ZNF747: variants seen among roughly 807,000 people sequenced by gnomAD.
ZNF747 encodes zinc finger protein 747.
Under a neutral mutation model 13.4 loss-of-function variants are expected in ZNF747, and 14 were observed. That is an observed-to-expected ratio of 1.04 (90% CI 0.69 to 1.63). ZNF747 has a LOEUF of 1.63. Ranked by LOEUF, ZNF747 falls within the 40% of genes most tolerant of loss-of-function variation. The probability of loss-of-function intolerance (pLI) is 0.00; values close to 1 mark genes in which losing one functional copy is unlikely to be tolerated. For missense variants in ZNF747, 532 were observed against 477.9 expected (o/e 1.11, Z -1.05); for synonymous variants, 212 against 206.5 (o/e 1.03, Z -0.23).
chr16:30,532,005 G>A lies in ZNF747; in HGVS notation c.*494C>T, dbSNP rs574088615. 1.7e-5 allele frequency: 3 copies of A among 171,832 alleles called. No homozygotes were observed. Among genetic ancestry groups the A allele is most frequent in the Admixed American group, 1.1e-4 (2 of 18,284 alleles). The allele number at this position is 171,832 out of a possible 1,614,324, so 10.6% of individuals were successfully genotyped here. On this transcript the variant is annotated 3_prime_UTR_variant, in exon 3 of 3. Transcript: ENST00000693075. ...CTACTAAAAATACAAAAAGTTAGCC[G>A]GGCATAGTGGCAGGTGCCTGTAATT... is the stretch of plus-strand genomic sequence containing the variant.
In ZNF747 at chr16:30,532,933, C is replaced by T. The variant is rs758008784; in HGVS notation, c.562G>A (p.Gly188Arg). ...ADQRHGCYVCGKSFAWRSTLV... is the reference protein window; with the variant it reads ...ADQRHGCYVCRKSFAWRSTLV... ...GTGGAGCGCCAGGCGAAGCTCTTCC[C>T]GCACACGTAGCAGCCGTGACGCTGG... The change falls in exon 3 of 3, where the codon GGG becomes AGG. Residue 188 changes from glycine (G) to arginine (R), a missense_variant. By Grantham distance (125) the Gly-to-Arg change is moderately radical. Transcript: ENST00000693075. 1.9e-6 allele frequency: 3 copies of T among 1,605,084 alleles called. No homozygotes were observed. The highest frequency in any genetic ancestry group is 4.5e-5 in the East Asian group (2 of 44,756).
Position 30,532,808 on chromosome 16 carries a change from C to A in ZNF747, c.687G>T (p.Arg229=). The part of the protein sequence containing the change: ...FGHASSLSKH[R]AIHRGERPHR... ...GGGGCCGCTCCCCACGATGGATGGCCCGGTGTTTGCTCAGGGAGGAAGCGT... is the reference window on the plus strand; with the variant it reads ...GGGGCCGCTCCCCACGATGGATGGCACGGTGTTTGCTCAGGGAGGAAGCGT... Residue 229 remains arginine (R), a synonymous_variant, in exon 3 of 3, where the codon CGG becomes CGT. Transcript: ENST00000693075. 2 of 1,569,682 alleles carry A rather than the reference C, an allele frequency of 1.3e-6. No homozygotes were observed. The highest frequency in any genetic ancestry group is 1.7e-6 in the Non-Finnish European group (2 of 1,159,998).
intron 2 of ZNF747, 139 bp downstream of exon 2, chr16:30,534,057 CA>C: frequency 7.9e-7 from 1 of 1,263,848 alleles, no homozygotes; most frequent in African/African-American, 1.5e-5. Context: ...CGGAGCCAGG[CA>C]GGGGCTCAGC....
rs747789041 is a variant in ZNF747 at position 30,534,442 on chromosome 16, G to A, written c.229+9C>T. ...GCGCAGGGCCCAGGCAAGCAGGTGG[G>A]GCTCTCACCGAGCGCGCCCAGGTGG... On this transcript the variant is annotated intron_variant, in intron 1 of 2. Transcript: ENST00000693075. The A allele has an allele frequency of 2.5e-6, 4 of 1,579,570 alleles. No homozygotes were observed. The Admixed American group carries it at 7.3e-5, about 29-fold the overall frequency.
Position 30,533,016 on chromosome 16 carries a change from T to C in ZNF747, c.479A>G (p.Lys160Arg). 1.9e-6 allele frequency: 3 copies of C among 1,611,930 alleles called. No individual in the cohort carries two copies. The highest frequency in any genetic ancestry group is 2.5e-6 in the Non-Finnish European group (3 of 1,179,860). Residue 160 changes from lysine to arginine, a missense_variant, in exon 3 of 3, where the codon AAG (lysine) becomes AGG (arginine). Coordinates refer to ENST00000693075, the MANE Select transcript of ZNF747 (RefSeq NM_001305018.2). Reference sequence around the variant, plus strand: ...GCGGGGGCGACTCCGGCGCCGGGCCTTGGACAGCTGCTCCAACCCGGCAAA... The same window carrying C: ...GCGGGGGCGACTCCGGCGCCGGGCCCTGGACAGCTGCTCCAACCCGGCAAA... ...APFAGLEQLS[K>R]ARRRSRPRFF... is the part of the protein sequence containing the mutation.
In ZNF747 at chr16:30,534,503, C is replaced by A. The variant is rs1367176644; in HGVS notation, c.177G>T (p.Arg59Ser). Residue 59 changes from arginine (R) to serine (S), a missense_variant, in exon 1 of 3, where the codon AGG becomes AGT. By Grantham distance (110) the Arg-to-Ser change is moderately radical. Coordinates refer to ENST00000693075, the MANE Select transcript of ZNF747 (RefSeq NM_001305018.2). ...EEWGCLRPAQ[R>S]ALYRDVMRET... ...CCCGCATCACGTCCCGGTACAGGGC[C>A]CTCTGCGCGGGCCGCAGGCAGCCCC... 4.4e-6 allele frequency: 7 copies of A among 1,609,170 alleles called. No homozygotes were observed. Among genetic ancestry groups the A allele is most frequent in the Non-Finnish European group, 5.9e-6 (7 of 1,178,256 alleles).
Position 30,534,281 on chromosome 16 carries a change from A to C in ZNF747, c.259T>G (p.Ser87Ala). The C allele has an allele frequency of 6.3e-7, 1 of 1,590,962 alleles. No individual in the cohort carries two copies. The highest frequency in any genetic ancestry group is 2.3e-5 in the East Asian group (1 of 43,056). Residue 87 changes from serine to alanine, a missense_variant, in exon 2 of 3, where the codon TCC becomes GCC. Transcript: ENST00000693075. ...AGTTCGGCCTTCTCCTCCACCCAGG[A>C]GATGAGCGCCGGCTTGCTGCCTCCG... ...GVGGSKPALI[S>A]WVEEKAELWD...
At position 30,532,278 on chromosome 16, in the gene ZNF747, C is replaced by A. The variant is rs920776628; in HGVS notation, c.*221G>T. On this transcript the variant is annotated 3_prime_UTR_variant, in exon 3 of 3. Transcript: ENST00000693075. The stretch of plus-strand genomic sequence containing the variant: ...TGTATGGAGGTCTGGGGGGTTCTCA[C>A]CTCAGCCCTGCCTCAGCAAAGGGGG... The A allele has an allele frequency of 4.9e-6, 3 of 614,780 alleles. No individual in the cohort carries two copies. Among genetic ancestry groups the A allele is most frequent in the Non-Finnish European group, 2.9e-6 (1 of 349,842 alleles). 38.1% of individuals were successfully genotyped at this position (614,780 alleles called of 1,614,324 possible). A position where few individuals can be genotyped will look rare whatever the true frequency, so the allele number is the denominator to read the frequency against.
rs938075682 is a variant in ZNF747, at chr16:30,531,476, G to C, written c.*1023C>G. 42 of 152,190 alleles carry C rather than the reference G, an allele frequency of 2.8e-4. No individual in the cohort carries two copies. Among genetic ancestry groups the C allele is most frequent in the African/African-American group, 9.4e-4 (39 of 41,448 alleles). The allele number at this position is 152,190 out of a possible 1,614,324, so 9.4% of individuals were successfully genotyped here. A position where few individuals can be genotyped will look rare whatever the true frequency, so the allele number is the denominator to read the frequency against. On this transcript the variant is annotated 3_prime_UTR_variant, in exon 3 of 3. Transcript: ENST00000693075. ...GGCGAGATCCAATACAGGGTCACTG[G>C]TTTTTTAGGTTGTGCAGCAAAAAGA...
chr16:30,532,558 C>A lies in ZNF747; in HGVS notation c.937G>T (p.Asp313Tyr). 6.3e-7 allele frequency: 1 copy of A among 1,587,330 alleles called. No individual in the cohort carries two copies. The highest frequency in any genetic ancestry group is 8.6e-7 in the Non-Finnish European group (1 of 1,169,278). The change falls in exon 3 of 3, where the codon GAC becomes TAC. Residue 313 changes from aspartate to tyrosine, a missense_variant. Physicochemically the swap from Asp to Tyr is radical, Grantham distance 160. Coordinates refer to ENST00000693075, the MANE Select transcript of ZNF747 (RefSeq NM_001305018.2). ...TGGAAGCCCACAGGCGGGTCCAGGT[C>A]CCCGCGGACAGGAGTCAGGGTCACA... ...LSVTLTPVRG[D>Y]LDPPVGFQLY...
rs748646025 is a variant in ZNF747, at chr16:30,532,793, C to T, written c.702G>A (p.Gly234=). The change falls in exon 3 of 3, where the codon GGG becomes GGA. Residue 234 remains glycine, a synonymous_variant. Coordinates refer to ENST00000693075, the MANE Select transcript of ZNF747 (RefSeq NM_001305018.2). ...SLSKHRAIHR[G]ERPHRCPECG... ...ACTCGGGACAGCGGTGGGGCCGCTCCCCACGATGGATGGCCCGGTGTTTGC... is the reference window on the plus strand; with the variant it reads ...ACTCGGGACAGCGGTGGGGCCGCTCTCCACGATGGATGGCCCGGTGTTTGC... 4.5e-6 allele frequency: 7 copies of T among 1,559,092 alleles called. No individual in the cohort carries two copies. The highest frequency in any genetic ancestry group is 6.1e-6 in the Non-Finnish European group (7 of 1,154,352).
At chr16:30,533,814 T>TG (rs2051414560) in intron 2 of ZNF747, among the ~76,000 whole-genome samples, 1 of 150,524 alleles carries the variant, frequency 6.6e-6, no homozygotes. Flanking sequence ...TTAGGTACTC[T>TG]GGAGGCCCAC....
In ZNF747 at chr16:30,532,729, GAGAAGT is replaced by G; in HGVS notation, c.760_765del (p.Thr254_Ser255del). On this transcript the variant is annotated inframe_deletion, in exon 3 of 3. Coordinates refer to ENST00000693075, the MANE Select transcript of ZNF747 (RefSeq NM_001305018.2). Reference sequence around the variant, plus strand: ...TTCTCGCCAGTGTGAACGCGCAGGTGAGAAGTCAGCGCCGTGCGGCGCATGAAGGCC... The same window carrying G: ...TTCTCGCCAGTGTGAACGCGCAGGTGCAGCGCCGTGCGGCGCATGAAGGCC... 6.5e-7 allele frequency: 1 copy of G among 1,540,944 alleles called. No individual in the cohort carries two copies. Among genetic ancestry groups the G allele is most frequent in the Non-Finnish European group, 8.7e-7 (1 of 1,147,106 alleles).
chr16:30,532,763 A>C lies in ZNF747; in HGVS notation c.732T>G (p.Gly244=), dbSNP rs950977482. The C allele has an allele frequency of 2.6e-6, 4 of 1,547,310 alleles. No homozygotes were observed. Among genetic ancestry groups the C allele is most frequent in the Non-Finnish European group, 3.5e-6 (4 of 1,148,960 alleles). ...GCGCCGTGCGGCGCATGAAGGCCCGACCACACTCGGGACAGCGGTGGGGCC... is the reference window on the plus strand; with the variant it reads ...GCGCCGTGCGGCGCATGAAGGCCCGCCCACACTCGGGACAGCGGTGGGGCC... The part of the protein sequence containing the change: ...GERPHRCPEC[G]RAFMRRTALT... The change falls in exon 3 of 3, where the codon GGT becomes GGG. Residue 244 remains glycine, a synonymous_variant. Transcript: ENST00000693075.
chr16:30,532,220 C>A lies in ZNF747; in HGVS notation c.*279G>T. ...TTCTTCTCTACCTCAATCCTCTTAG[C>A]ATCTCTGGGAGGAGAAACAGCTTTT... On this transcript the variant is annotated 3_prime_UTR_variant, in exon 3 of 3. Transcript: ENST00000693075. The A allele has an allele frequency of 1.8e-6, 1 of 555,594 alleles. No individual in the cohort carries two copies. The highest frequency in any genetic ancestry group is 2.3e-5 in the South Asian group (1 of 43,058). 34.4% of individuals were successfully genotyped at this position (555,594 alleles called of 1,614,324 possible). A position where few individuals can be genotyped will look rare whatever the true frequency, so the allele number is the denominator to read the frequency against.
At position 30,532,743 on chromosome 16, in the gene ZNF747, G is replaced by A. The variant is rs766173457; in HGVS notation, c.752C>T (p.Thr251Met). 8.4e-6 allele frequency: 13 copies of A among 1,542,558 alleles called. No individual in the cohort carries two copies. The highest frequency in any genetic ancestry group is 1.2e-5 in the South Asian group (1 of 84,226). ...AACGCGCAGGTGAGAAGTCAGCGCC[G>A]TGCGGCGCATGAAGGCCCGACCACA... ...PECGRAFMRRTALTSHLRVHT... is the reference protein window; with the variant it reads ...PECGRAFMRRMALTSHLRVHT... Residue 251 changes from threonine to methionine, a missense_variant, in exon 3 of 3, where the codon ACG (threonine) becomes ATG (methionine). Coordinates refer to ENST00000693075, the MANE Select transcript of ZNF747 (RefSeq NM_001305018.2).
At position 30,532,133 on chromosome 16, in the gene ZNF747, A is replaced by T. The variant is rs999977487; in HGVS notation, c.*366T>A. The T allele has an allele frequency of 1.8e-5, 5 of 284,932 alleles. No individual in the cohort carries two copies. The highest frequency in any genetic ancestry group is 2.2e-5 in the African/African-American group (1 of 44,626). 17.7% of individuals were successfully genotyped at this position (284,932 alleles called of 1,614,324 possible). A position where few individuals can be genotyped will look rare whatever the true frequency, so the allele number is the denominator to read the frequency against. ...ATTGCACTCCAGCCTGGGCAACAAG[A>T]GCAAAACTCCGTCTCAAAAAATTAA... On this transcript the variant is annotated 3_prime_UTR_variant, in exon 3 of 3. Coordinates refer to ENST00000693075, the MANE Select transcript of ZNF747 (RefSeq NM_001305018.2).
In ZNF747 at chr16:30,532,388, G is replaced by T; in HGVS notation, c.*111C>A. The T allele has an allele frequency of 7.9e-7, 1 of 1,271,594 alleles. No individual in the cohort carries two copies. The highest frequency in any genetic ancestry group is 1.1e-6 in the Non-Finnish European group (1 of 915,212). The allele number at this position is 1,271,594 out of a possible 1,614,324, so 78.8% of individuals were successfully genotyped here. A position where few individuals can be genotyped will look rare whatever the true frequency, so the allele number is the denominator to read the frequency against. On this transcript the variant is annotated 3_prime_UTR_variant, in exon 3 of 3. Transcript: ENST00000693075. ...CAAGATCAGACTGTCCGCACCCCAG[G>T]CCAGCTCTTGCGGTGGATTCTGGGA...
rs1260645347 is a variant in ZNF747, at chr16:30,534,540, G to C, written c.140C>G (p.Ser47Cys). Reference protein sequence around the residue: ...VSFADVAVYFSREEWGCLRPA... With the variant: ...VSFADVAVYFCREEWGCLRPA... Reference sequence around the variant, plus strand: ...CCGCAGGCAGCCCCACTCCTCCCGGGAGAAGTACACGGCCACGTCGGCGAA... The same window carrying C: ...CCGCAGGCAGCCCCACTCCTCCCGGCAGAAGTACACGGCCACGTCGGCGAA... Residue 47 changes from serine to cysteine, a missense_variant, in exon 1 of 3, where the codon TCC becomes TGC. By Grantham distance (112) the Ser-to-Cys change is moderately radical. Transcript: ENST00000693075. 4 of 1,609,438 alleles carry C rather than the reference G, an allele frequency of 2.5e-6. No individual in the cohort carries two copies. In the South Asian group the frequency reaches 3.3e-5, roughly 13 times the overall value.
Sources: allele counts gnomAD v4.1 joint callset (sites outside exome capture counted in the v4.1 genomes callset), GRCh38; gene constraint gnomAD v4.1.1; transcripts MANE v1.5; gene names NCBI Gene and HGNC (gene_info 2026-07-23, HGNC 2026-07-21).